TRAPPC9: variants seen among roughly 807,000 people sequenced by gnomAD.
TRAPPC9 encodes trafficking protein particle complex subunit 9.
Under a neutral mutation model 124.0 loss-of-function variants are expected in TRAPPC9, and 83 were observed. The observed-to-expected ratio is 0.67, with a 90% CI of 0.56 to 0.80. The LOEUF is 0.80. Among genes scored for constraint, TRAPPC9 ranks in the 30% least tolerant of loss-of-function variants. The pLI is 0.00. For synonymous variants in TRAPPC9, 638 were observed against 617.5 expected (o/e 1.03, Z -0.49); for missense variants, 1,302 against 1,508.3 (o/e 0.86, Z 2.27).
chr8:139,796,169 G>A (rs1823079411), intron 21 of TRAPPC9, among the ~76,000 whole-genome samples: 1 of 151,518 alleles, frequency 6.6e-6, no homozygotes, highest in Non-Finnish European at 1.5e-5. Flanking sequence ...AGGAGGAGGA[G>A]GAGGAGAAGG....
chr8:139,909,450 C>A (rs534871152), intron 20 of TRAPPC9, among the ~76,000 whole-genome samples: 1 of 151,778 alleles, frequency 6.6e-6, no homozygotes, highest in Non-Finnish European at 1.5e-5. Context: ...CCAGAGGACA[C>A]ATCCACTTCA....
chr8:140,187,684 G>GT (rs1027987097), intron 17 of TRAPPC9, among the ~76,000 whole-genome samples: 5 of 151,816 alleles, frequency 3.3e-5, no homozygotes, highest in Admixed American at 6.6e-5. Flanking sequence ...CCTGTTGGTG[G>GT]TTTTTTTTAA....
intron 9 of TRAPPC9, among the ~76,000 whole-genome samples, chr8:140,327,864 T>C (rs976207049): frequency 2.6e-5 from 4 of 152,226 alleles, no homozygotes; most frequent in African/African-American, 7.2e-5. Context: ...TGTGAATGTA[T>C]GTACTCAATA....
At chr8:140,369,822 C>T (rs1037035298) in intron 8 of TRAPPC9, among the ~76,000 whole-genome samples, 9 of 152,198 alleles carry the variant, frequency 5.9e-5, no homozygotes, top group Non-Finnish European at 5.9e-5. Context: ...CGTGGTAGCA[C>T]GTGCCTGTAA....
chr8:139,923,454 C>T (rs1366761607), intron 19 of TRAPPC9, among the ~76,000 whole-genome samples: 2 of 151,630 alleles, frequency 1.3e-5, no homozygotes, highest in African/African-American at 2.4e-5. Context: ...ATTGGTGTCC[C>T]CACCCCGAAC....
chr8:140,199,928 C>T (rs2062750830), intron 17 of TRAPPC9, among the ~76,000 whole-genome samples: 1 of 152,030 alleles, frequency 6.6e-6, no homozygotes. Flanking sequence ...TACATACCCA[C>T]AAAAATTAAA....
rs573585728 is a variant in TRAPPC9 at position 139,978,922 on chromosome 8, C to T, written c.2810+9804G>A. ...ACTCTGGTTTTTTTTCCACAGATAA[C>T]CTGAGTTGCTTTCTTCATAGACGGG... On this transcript the variant is annotated intron_variant, in intron 19 of 22. Transcript: ENST00000438773. Among the ~76,000 whole-genome samples, 3 of 152,202 alleles carry T rather than the reference C, an allele frequency of 2.0e-5. No individual in the cohort carries two copies. The South Asian group carries it at 6.2e-4, about 32-fold the overall frequency.
At chr8:139,813,945 C>A (rs1824633526) in intron 21 of TRAPPC9, among the ~76,000 whole-genome samples, 1 of 152,140 alleles carries the variant, frequency 6.6e-6, no homozygotes, top group South Asian at 2.1e-4. Context: ...AGAAGACAGA[C>A]CTCACAGCCC....
chr8:139,915,356 C>T (rs1383466139), intron 19 of TRAPPC9, among the ~76,000 whole-genome samples: 2 of 152,154 alleles, frequency 1.3e-5, no homozygotes, highest in Non-Finnish European at 2.9e-5. Context: ...AAGCGATTCT[C>T]GTGCCTCAGC....
chr8:140,090,575 C>A (rs1844499728), intron 17 of TRAPPC9, among the ~76,000 whole-genome samples: 1 of 152,250 alleles, frequency 6.6e-6, no homozygotes, highest in African/African-American at 2.4e-5. Flanking sequence ...TGGAGCTAAT[C>A]CATAATTCCA....
At chr8:140,178,067 T>C (rs2062110966) in intron 17 of TRAPPC9, among the ~76,000 whole-genome samples, 1 of 152,176 alleles carries the variant, frequency 6.6e-6, no homozygotes, top group Admixed American at 6.5e-5. Context: ...ACATGCATAG[T>C]AATGTTTTCT....
In TRAPPC9 at chr8:139,996,246, G is replaced by A. The variant is rs142278572; in HGVS notation, c.2700-7410C>T. On this transcript the variant is annotated intron_variant, in intron 18 of 22. Coordinates refer to ENST00000438773, the MANE Select transcript of TRAPPC9 (RefSeq NM_001160372.4). ...ATTATCTTAGTAACTGAGAGGACAA[G>A]TAGACATAAAATCAGAAAGAATATA... is the stretch of plus-strand genomic sequence containing the variant. 5.3e-3 allele frequency among the ~76,000 whole-genome samples: 746 copies of A among 141,190 alleles called. 7 individuals are homozygous for A. Among genetic ancestry groups the A allele is most frequent in the African/African-American group, 0.019 (725 of 37,930 alleles). The allele number at this position is 141,190 out of a possible 152,430, so 92.6% of individuals were successfully genotyped here.
At chr8:140,263,714 G>A (rs993122108) in intron 15 of TRAPPC9, among the ~76,000 whole-genome samples, 1 of 152,308 alleles carries the variant, frequency 6.6e-6, no homozygotes, top group South Asian at 2.1e-4. Context: ...ACTTGGTCCA[G>A]GTCACCCAGC....
intron 5 of TRAPPC9, among the ~76,000 whole-genome samples, chr8:140,421,749 C>T (rs904464736): frequency 1.3e-5 from 2 of 151,956 alleles, no homozygotes; most frequent in Non-Finnish European, 2.9e-5. Flanking sequence ...CTTTAGTTAA[C>T]GAAATGGAAT....
intron 2 of TRAPPC9, among the ~76,000 whole-genome samples, chr8:140,444,035 CAAAAAAAAAAAAAA>C (rs35121401): frequency 9.8e-5 from 4 of 40,912 alleles, no homozygotes; most frequent in African/African-American, 4.4e-4. Flanking sequence ...GACTCCATCT[CAAAAAAAAAAAAAA>C]AAAAAAAAAA....
chr8:140,173,321 G>A (rs1355415261), intron 17 of TRAPPC9, among the ~76,000 whole-genome samples: 4 of 152,248 alleles, frequency 2.6e-5, no homozygotes, highest in Admixed American at 6.5e-5. Flanking sequence ...TTGGGAGGCC[G>A]AGGCAGGAGG....
chr8:140,218,790 T>C (rs558785617), intron 17 of TRAPPC9, among the ~76,000 whole-genome samples: 4 of 152,128 alleles, frequency 2.6e-5, no homozygotes, highest in Non-Finnish European at 4.4e-5. Context: ...TGAAACCCCG[T>C]CTCTGCTAAA....
intron 20 of TRAPPC9, among the ~76,000 whole-genome samples, chr8:139,891,707 A>G (rs1358049651): frequency 6.6e-6 from 1 of 152,192 alleles, no homozygotes; most frequent in Admixed American, 6.5e-5. Context: ...CAAGCAAAAA[A>G]TGCAGAGTCC....
At chr8:140,015,809 T>TA (rs1316763679) in intron 18 of TRAPPC9, among the ~76,000 whole-genome samples, 1 of 152,054 alleles carries the variant, frequency 6.6e-6, no homozygotes, top group Non-Finnish European at 1.5e-5. Context: ...AAATAGAACT[T>TA]AAATATATAT....
Sources: gnomAD v4.1 joint callset for allele counts (sites outside exome capture counted in the v4.1 genomes callset) on GRCh38, gnomAD v4.1.1 for gene constraint, MANE v1.5 for transcripts, NCBI Gene and HGNC (gene_info 2026-07-23, HGNC 2026-07-21) for gene names.